Variants in CDC25C observed in about 807,000 individuals in gnomAD.
The protein encoded by CDC25C is M-phase inducer phosphatase 3.
In CDC25C, 48 loss-of-function variants were observed where a neutral mutation model predicts 52.5. The observed-to-expected ratio is 0.91, with a 90% confidence interval of 0.72 to 1.16. CDC25C has a LOEUF of 1.16. Among genes scored for constraint, CDC25C ranks in the 50% most tolerant of loss-of-function variants. The probability of loss-of-function intolerance (pLI) is 0.00; values close to 1 mark genes in which losing one functional copy is unlikely to be tolerated. For synonymous variants in CDC25C, 187 were observed against 206.5 expected, an observed-to-expected ratio of 0.91 and a Z score of 0.81; for missense variants, 510 against 566.1, an observed-to-expected ratio of 0.90 and a Z score of 1.01.
At chr5:138,298,402 C>G (rs1327731637) in intron 7 of CDC25C, among the ~76,000 whole-genome samples, 1 of 152,082 alleles carries the variant, frequency 6.6e-6, no homozygotes, top group Non-Finnish European at 1.5e-5. Context: ...CCGTAGAATA[C>G]ACATTCTTCT....
At chr5:138,328,612 A>G in intron 3 of CDC25C, 83 bp from the exon 4 acceptor site, 1 of 1,119,292 alleles carries the variant, frequency 8.9e-7, no homozygotes, top group South Asian at 1.2e-5. Flanking sequence ...CTTCATTACC[A>G]GTAAGCCGTA....
chr5:138,323,882 C>T (rs28784930), intron 6 of CDC25C, among the ~76,000 whole-genome samples: 38,845 of 146,414 alleles, frequency 0.27, 6,144 homozygotes, highest in South Asian at 0.43. Context: ...CTCTTGAACC[C>T]GGGAGGCAGA....
intron 6 of CDC25C, among the ~76,000 whole-genome samples, chr5:138,321,072 G>A (rs563223169): frequency 6.6e-6 from 1 of 152,100 alleles, no homozygotes; most frequent in African/African-American, 2.4e-5. Flanking sequence ...TCCAGCAGAG[G>A]TGACAGAGTG....
At chr5:138,288,337 A>T (rs1397639270) in intron 10 of CDC25C, among the ~76,000 whole-genome samples, 2 of 152,070 alleles carry the variant, frequency 1.3e-5, no homozygotes, top group African/African-American at 4.8e-5. Context: ...GGCCTCTCAA[A>T]GTGCTGGGAT....
chr5:138,298,201 T>G (rs936771557), intron 7 of CDC25C, among the ~76,000 whole-genome samples: 1 of 151,422 alleles, frequency 6.6e-6, no homozygotes, highest in Non-Finnish European at 1.5e-5. Flanking sequence ...AGGTCTCTCT[T>G]TGTTGCCCAG....
intron 10 of CDC25C, among the ~76,000 whole-genome samples, chr5:138,287,624 G>C (rs1196605886): frequency 6.6e-6 from 1 of 152,100 alleles, no homozygotes; most frequent in Admixed American, 6.6e-5. Flanking sequence ...AATGCAAAAT[G>C]GTTCCCTACC....
At chr5:138,286,794 C>A (rs768959152) in intron 11 of CDC25C, among the ~76,000 whole-genome samples, 164 bp from the exon 12 acceptor site, 2 of 152,108 alleles carry the variant, frequency 1.3e-5, no homozygotes, top group Non-Finnish European at 2.9e-5. Flanking sequence ...ATACCCTGAA[C>A]GCCTGGCATA....
intron 7 of CDC25C, among the ~76,000 whole-genome samples, chr5:138,312,780 A>C (rs1194045738): frequency 2.6e-5 from 4 of 152,232 alleles, no homozygotes; most frequent in African/African-American, 9.6e-5. Context: ...AACAATGGGA[A>C]TGTATGTAAT....
At chr5:138,308,850 C>A (rs920032172) in intron 7 of CDC25C, among the ~76,000 whole-genome samples, 1 of 152,034 alleles carries the variant, frequency 6.6e-6, no homozygotes, top group African/African-American at 2.4e-5. Context: ...TTAGTTTAAA[C>A]CCTGGCTCTG....
Position 138,289,532 on chromosome 5 carries a change from T to C in CDC25C, c.896A>G (p.His299Arg). The part of the protein sequence containing the change: ...VCALPTVSGK[H>R]QDLKYVNPET... ...TGGGTTGACATACTTCAGATCTTGG[T>C]GTTTCCCTGACACGGTTGGCAGCGC... Residue 299 changes from histidine to arginine, a missense_variant, in exon 10 of 14, where the codon CAC (histidine) becomes CGC (arginine). Transcript: ENST00000323760. 6.2e-7 allele frequency: 1 copy of C among 1,613,944 alleles called. No homozygotes were observed. The highest frequency in any genetic ancestry group is 1.3e-5 in the African/African-American group (1 of 75,046).
intron 6 of CDC25C, among the ~76,000 whole-genome samples, chr5:138,324,931 G>A (rs1316059317): frequency 3.3e-5 from 5 of 152,006 alleles, no homozygotes; most frequent in South Asian, 2.1e-4. Flanking sequence ...TAGCTGGGCC[G>A]TGGTGGCACG....
chr5:138,331,731 G>T lies in CDC25C; in HGVS notation c.-175C>A, dbSNP rs556292269. 4.6e-5 allele frequency: 46 copies of T among 989,618 alleles called. No individual in the cohort carries two copies. The East Asian group carries it at 3.4e-3, about 72-fold the overall frequency. 61.3% of individuals were successfully genotyped at this position (989,618 alleles called of 1,614,324 possible). A position where few individuals can be genotyped will look rare whatever the true frequency, so the allele number is the denominator to read the frequency against. ...TAACTAGATTGCAGCTCTGCCTTCC[G>T]ACTGGGTAGGCCAACGTCGGACTCA... On this transcript the variant is annotated 5_prime_UTR_variant, in exon 1 of 14. Transcript: ENST00000323760.
At chr5:138,328,193 C>T (rs765654207) in intron 4 of CDC25C, among the ~76,000 whole-genome samples, 1 of 152,188 alleles carries the variant, frequency 6.6e-6, no homozygotes, top group Admixed American at 6.6e-5. Flanking sequence ...TACTAAGATA[C>T]AGCACCTTTC....
chr5:138,287,328 A>G, intron 10 of CDC25C, 61 bp from the exon 11 acceptor site: 2 of 1,169,756 alleles, frequency 1.7e-6, no homozygotes, highest in Non-Finnish European at 2.6e-6. Flanking sequence ...AGAAGGGTCA[A>G]TGACACAGTT....
At chr5:138,338,260 G>T in exon 1 of CDC25C, 2 of 1,040,460 alleles carry the variant, frequency 1.9e-6, no homozygotes, top group Middle Eastern at 2.4e-4. Flanking sequence ...GGCGAACCGA[G>T]CGCTCAGAGC....
At chr5:138,308,069 T>C (rs1758162319) in intron 7 of CDC25C, among the ~76,000 whole-genome samples, 1 of 152,104 alleles carries the variant, frequency 6.6e-6, no homozygotes, top group African/African-American at 2.4e-5. Flanking sequence ...AGGCAGAGCT[T>C]AGGTGTTAAT....
intron 7 of CDC25C, among the ~76,000 whole-genome samples, chr5:138,296,973 C>T (rs1367751758): frequency 5.7e-5 from 8 of 141,546 alleles, no homozygotes; most frequent in Non-Finnish European, 1.2e-4. Flanking sequence ...TGCAGTGGCA[C>T]GATCTCGGCT....
At chr5:138,320,999 G>A (rs1037769053) in intron 6 of CDC25C, among the ~76,000 whole-genome samples, 1 of 151,652 alleles carries the variant, frequency 6.6e-6, no homozygotes, top group Non-Finnish European at 1.5e-5. Flanking sequence ...GTAGGCTGAG[G>A]TGGGAGAATA....
chr5:138,286,931 T>C (rs894675106), intron 11 of CDC25C, among the ~76,000 whole-genome samples: 1 of 152,154 alleles, frequency 6.6e-6, no homozygotes, highest in African/African-American at 2.4e-5. Context: ...ATGTTTTTAT[T>C]TCTAGGTAGG....
Sources: gnomAD v4.1 joint callset for allele counts (sites outside exome capture counted in the v4.1 genomes callset) on GRCh38, gnomAD v4.1.1 for gene constraint, MANE v1.5 for transcripts, NCBI Gene and HGNC (gene_info 2026-07-23, HGNC 2026-07-21) for gene names.